Variants in PDE8B observed in about 807,000 individuals in gnomAD.
PDE8B encodes the protein high affinity cAMP-specific and IBMX-insensitive 3',5'-cyclic phosphodiesterase 8B.
PDE8B carries 26 observed loss-of-function variants against 101.3 expected under a neutral mutation model. That is an observed-to-expected ratio of 0.26 (90% confidence interval 0.19 to 0.36). The LOEUF is 0.36. PDE8B is among the 10% of genes least tolerant of loss of function. The pLI, the probability that PDE8B is intolerant of heterozygous loss-of-function variation, is 1.00. For missense variants in PDE8B, 810 were observed against 1,163.1 expected, an observed-to-expected ratio of 0.70 and a Z score of 4.42; for synonymous variants, 424 against 429.3, an observed-to-expected ratio of 0.99 and a Z score of 0.15.
At chr5:77,115,498 A>G in the PDE8B span, among the ~76,000 whole-genome samples, 7 of 152,356 alleles carry the variant, frequency 4.6e-5, no homozygotes, top group East Asian at 1.2e-3. Flanking sequence ...ACAATTGAAG[A>G]AGCTGATAAG....
chr5:77,321,980 G>A (rs1775177578), intron 2 of PDE8B, among the ~76,000 whole-genome samples: 4 of 152,154 alleles, frequency 2.6e-5, no homozygotes, highest in Admixed American at 2.0e-4. Context: ...GGGAAGCACC[G>A]CAGTCAGTCA....
chr5:77,326,269 A>G (rs1776043018), intron 3 of PDE8B, among the ~76,000 whole-genome samples: 1 of 152,156 alleles, frequency 6.6e-6, no homozygotes, highest in African/African-American at 2.4e-5. Flanking sequence ...CACTCTGGGG[A>G]GGAAACACAG....
chr5:77,211,358 T>A lies in PDE8B; in HGVS notation c.339+94T>A. On this transcript the variant is annotated intron_variant, in intron 1 of 21. Transcript: ENST00000264917. This position sits in a 1 kb window ranked among gnomAD's most constrained non-coding sequence, Gnocchi z 4.1. The stretch of plus-strand genomic sequence containing the variant: ...GGGCTCCGGCGGAGTTGGGTGACCG[T>A]GAGGCGGTTGGTTTGGAGAGGTTGT... 1 of 1,231,284 alleles carries A rather than the reference T, an allele frequency of 8.1e-7. No homozygotes were observed. Among genetic ancestry groups the A allele is most frequent in the Non-Finnish European group, 1.1e-6 (1 of 899,836 alleles). The allele number at this position is 1,231,284 out of a possible 1,614,324, so 76.3% of individuals were successfully genotyped here.
chr5:77,335,259 A>G (rs1263665460), intron 5 of PDE8B, among the ~76,000 whole-genome samples: 1 of 152,218 alleles, frequency 6.6e-6, no homozygotes, highest in African/African-American at 2.4e-5. Context: ...ATGTTTTTAC[A>G]AAACATGAGC....
the PDE8B span, chr5:77,087,632 C>T: frequency 6.6e-6 from 1 of 152,158 alleles, no homozygotes; most frequent in Non-Finnish European, 1.5e-5. Context: ...AACGAACAAC[C>T]CCTGCAACTC....
the PDE8B span, among the ~76,000 whole-genome samples, chr5:77,129,555 G>T: frequency 2.6e-5 from 4 of 152,280 alleles, no homozygotes; most frequent in South Asian, 8.3e-4. Context: ...TTAACCAGAG[G>T]GTATCAGGGC....
intron 1 of PDE8B, among the ~76,000 whole-genome samples, chr5:77,292,967 C>T (rs1767712677): frequency 1.3e-5 from 2 of 152,028 alleles, no homozygotes; most frequent in Admixed American, 1.3e-4. Flanking sequence ...TCAATATTCT[C>T]ATGGGATTTT....
the PDE8B span, among the ~76,000 whole-genome samples, chr5:77,199,123 C>T: frequency 6.6e-6 from 1 of 152,150 alleles, no homozygotes. Flanking sequence ...GGCTTGCTTC[C>T]ACCATTTCTT....
In PDE8B at chr5:77,418,609, T is replaced by TA. The variant is rs1449866109; in HGVS notation, c.2129+164dup. On this transcript the variant is annotated intron_variant, in intron 18 of 21. Coordinates refer to ENST00000264917, the MANE Select transcript of PDE8B (RefSeq NM_003719.5). ...TTAATTTGACTTTTCAGACTGCCTT[T>TA]ATGTTTTGAAATCTCATTTGGTCTT... 3.9e-5 allele frequency among the ~76,000 whole-genome samples: 6 copies of TA among 152,360 alleles called. No homozygotes were observed. In the South Asian group the frequency reaches 1.2e-3, roughly 32 times the overall value.
At chr5:77,131,138 C>T in the PDE8B span, 129 of 152,354 alleles carry the variant, frequency 8.5e-4, 1 homozygote, top group African/African-American at 2.9e-3. Flanking sequence ...TCTCAGATAC[C>T]AGACTGGAAT....
the PDE8B span, among the ~76,000 whole-genome samples, chr5:77,179,632 C>G: frequency 6.6e-6 from 1 of 152,136 alleles, no homozygotes. Context: ...GGGTGGGGGG[C>G]GGCTCTAGAA....
intron 12 of PDE8B, among the ~76,000 whole-genome samples, chr5:77,405,943 G>C (rs1488371282): frequency 6.6e-6 from 1 of 152,182 alleles, no homozygotes; most frequent in African/African-American, 2.4e-5. Context: ...AAAGGACAAG[G>C]GAGGGACTTT....
chr5:77,417,082 A>G (rs62362510), intron 17 of PDE8B, among the ~76,000 whole-genome samples: 15,488 of 151,922 alleles, frequency 0.1, 859 homozygotes, highest in South Asian at 0.15. Flanking sequence ...CCACCCTCGA[A>G]ATCCATGTTA....
the PDE8B span, among the ~76,000 whole-genome samples, chr5:77,187,590 C>T: frequency 2.0e-5 from 3 of 152,018 alleles, no homozygotes; most frequent in Non-Finnish European, 4.4e-5. Flanking sequence ...TGATGGCATT[C>T]CCTACAATTA....
intron 1 of PDE8B, among the ~76,000 whole-genome samples, chr5:77,223,605 C>A (rs751228637): frequency 6.6e-6 from 1 of 152,096 alleles, no homozygotes; most frequent in Non-Finnish European, 1.5e-5. Flanking sequence ...ACAAGCATAG[C>A]ACAGTAGTGG....
At chr5:77,411,772 T>C in intron 15 of PDE8B, 51 bp downstream of exon 15, 1 of 1,350,670 alleles carries the variant, frequency 7.4e-7, no homozygotes, top group Non-Finnish European at 1.1e-6. Context: ...CAGCCTGTGC[T>C]GTCCCCGCTG....
intron 10 of PDE8B, among the ~76,000 whole-genome samples, chr5:77,380,508 C>T (rs143157666): frequency 9.2e-5 from 14 of 152,228 alleles, no homozygotes; most frequent in Middle Eastern, 3.4e-3. Flanking sequence ...AGCATTTTAC[C>T]GTGAAACACT....
intron 1 of PDE8B, among the ~76,000 whole-genome samples, chr5:77,235,902 A>T (rs1754580886): frequency 6.6e-6 from 1 of 152,092 alleles, no homozygotes; most frequent in South Asian, 2.1e-4. Context: ...TAACAACCTT[A>T]TTTGGTTGGT....
chr5:77,387,250 G>A (rs1206662627), intron 10 of PDE8B, among the ~76,000 whole-genome samples: 1 of 152,118 alleles, frequency 6.6e-6, no homozygotes, highest in Non-Finnish European at 1.5e-5. Context: ...GCTCTTGTAA[G>A]GCAGGCCTGG....
Sources: allele counts gnomAD v4.1 joint callset (sites outside exome capture counted in the v4.1 genomes callset), GRCh38; gene constraint gnomAD v4.1.1; non-coding constraint Gnocchi (gnomAD v3.1); transcripts MANE v1.5; gene names NCBI Gene and HGNC (gene_info 2026-07-23, HGNC 2026-07-21).